ZMAT4: variants seen among roughly 807,000 people sequenced by gnomAD.
ZMAT4 encodes the protein zinc finger matrin-type 4.
ZMAT4 carries 17 observed loss-of-function variants against 28.7 expected under a neutral mutation model. That is an observed-to-expected ratio of 0.59 (90% CI 0.41 to 0.89). ZMAT4 has a LOEUF of 0.89. Ranked by LOEUF, ZMAT4 falls within the 40% of genes least tolerant of loss-of-function variation. The probability of loss-of-function intolerance (pLI) is 0.00; values close to 1 mark genes in which losing one functional copy is unlikely to be tolerated. For missense variants in ZMAT4, 240 were observed against 283.8 expected (o/e 0.85, Z 1.11); for synonymous variants, 117 against 109.2 (o/e 1.07, Z -0.44).
intron 3 of ZMAT4, among the ~76,000 whole-genome samples, chr8:40,756,460 A>ATATATATATATATATATG (rs1812698502): frequency 8.4e-6 from 1 of 119,282 alleles, no homozygotes; most frequent in African/African-American, 2.9e-5. Context: ...ATATATATAC[A>ATATATATATATATATATG]CACTTGTATA....
At chr8:40,768,331 T>G (rs1563471035) in intron 2 of ZMAT4, among the ~76,000 whole-genome samples, 1 of 152,198 alleles carries the variant, frequency 6.6e-6, no homozygotes, top group Non-Finnish European at 1.5e-5. Flanking sequence ...GTTGAGCAAA[T>G]AAAGACTCAT....
intron 3 of ZMAT4, among the ~76,000 whole-genome samples, chr8:40,764,557 C>G (rs1278958192): frequency 6.7e-6 from 1 of 149,714 alleles, no homozygotes; most frequent in Non-Finnish European, 1.5e-5. Flanking sequence ...GTTTACAAAG[C>G]CATACGCTGG....
chr8:40,626,813 G>A (rs1292650715), intron 5 of ZMAT4, among the ~76,000 whole-genome samples: 1 of 152,140 alleles, frequency 6.6e-6, no homozygotes, highest in African/African-American at 2.4e-5. Flanking sequence ...CTGGGGAGGG[G>A]GGCTGGAGGT....
chr8:40,703,265 T>C (rs1394920214), intron 3 of ZMAT4, among the ~76,000 whole-genome samples: 1 of 152,138 alleles, frequency 6.6e-6, no homozygotes, highest in Non-Finnish European at 1.5e-5. Context: ...CACATAAAAA[T>C]TTTTACATGA....
In ZMAT4 at chr8:40,886,454, G is replaced by A. The variant is rs1185370482; in HGVS notation, c.-5+11229C>T. 4.6e-5 allele frequency among the ~76,000 whole-genome samples: 7 copies of A among 152,222 alleles called. No homozygotes were observed. The East Asian group carries it at 5.8e-4, about 13-fold the overall frequency. ...GAGTGGACGGTGCAGCACAGCAGAC[G>A]GCGCACAGGCTTGGAGTCGCCCACT... On this transcript the variant is annotated intron_variant, in intron 1 of 6. Transcript: ENST00000297737.
intron 2 of ZMAT4, among the ~76,000 whole-genome samples, chr8:40,814,508 G>C (rs887299067): frequency 1.3e-5 from 2 of 152,196 alleles, no homozygotes; most frequent in Admixed American, 6.5e-5. Context: ...TATTCACAAG[G>C]AGAAAGTCTT....
chr8:40,586,652 C>G (rs937383885), intron 5 of ZMAT4, among the ~76,000 whole-genome samples: 1 of 152,168 alleles, frequency 6.6e-6, no homozygotes, highest in Non-Finnish European at 1.5e-5. Context: ...CATGACTACT[C>G]AATATGTCTT....
At chr8:40,726,798 G>A (rs966795978) in intron 3 of ZMAT4, among the ~76,000 whole-genome samples, 1 of 152,212 alleles carries the variant, frequency 6.6e-6, no homozygotes, top group Admixed American at 6.5e-5. Flanking sequence ...GGCCGGCAGA[G>A]TCTAAAATAC....
At chr8:40,803,186 C>A (rs746887674) in intron 2 of ZMAT4, among the ~76,000 whole-genome samples, 1 of 152,064 alleles carries the variant, frequency 6.6e-6, no homozygotes, top group Non-Finnish European at 1.5e-5. Flanking sequence ...AGTTGCAACA[C>A]TGTAGGCATG....
At chr8:40,688,258 C>CCAG (rs570247584) in intron 4 of ZMAT4, among the ~76,000 whole-genome samples, 214 of 152,178 alleles carry the variant, frequency 1.4e-3, no homozygotes, top group South Asian at 6.2e-3. Flanking sequence ...GAGTTCAAGA[C>CCAG]CAGCCTGACC....
chr8:40,655,710 G>A (rs1370298094), intron 5 of ZMAT4, among the ~76,000 whole-genome samples: 1 of 152,042 alleles, frequency 6.6e-6, no homozygotes, highest in Non-Finnish European at 1.5e-5. Flanking sequence ...AATAAGAGAA[G>A]TCTTTTCAAC....
At chr8:40,738,606 C>T (rs1811873756) in intron 3 of ZMAT4, among the ~76,000 whole-genome samples, 1 of 152,186 alleles carries the variant, frequency 6.6e-6, no homozygotes, top group African/African-American at 2.4e-5. Flanking sequence ...GTTGTCCCCC[C>T]AGCAAGGGGC....
At chr8:40,647,420 G>T (rs1402644185) in intron 5 of ZMAT4, among the ~76,000 whole-genome samples, 2 of 152,326 alleles carry the variant, frequency 1.3e-5, no homozygotes, top group African/African-American at 2.4e-5. Flanking sequence ...GGCTCGGAGG[G>T]TCCTACACCC....
At chr8:40,634,734 A>C (rs575905472) in intron 5 of ZMAT4, among the ~76,000 whole-genome samples, 1 of 152,296 alleles carries the variant, frequency 6.6e-6, no homozygotes, top group South Asian at 2.1e-4. Context: ...TGCACTGATG[A>C]TACCTTATCA....
intron 5 of ZMAT4, among the ~76,000 whole-genome samples, chr8:40,621,806 A>T (rs78081484): frequency 1.3e-5 from 2 of 152,184 alleles, no homozygotes; most frequent in East Asian, 3.9e-4. Flanking sequence ...AGGGTCTAAG[A>T]TTTAATATTC....
chr8:40,770,005 G>A (rs1343423429), intron 2 of ZMAT4, among the ~76,000 whole-genome samples: 1 of 152,060 alleles, frequency 6.6e-6, no homozygotes, highest in African/African-American at 2.4e-5. Context: ...ATCAGTACAG[G>A]CCTGTTTTCC....
intron 1 of ZMAT4, among the ~76,000 whole-genome samples, chr8:40,832,662 A>G (rs985064235): frequency 6.6e-6 from 1 of 152,202 alleles, no homozygotes; most frequent in Non-Finnish European, 1.5e-5. Flanking sequence ...CAATTTTGAC[A>G]AACTCCACAG....
chr8:40,560,722 A>G (rs1270069790), intron 6 of ZMAT4, among the ~76,000 whole-genome samples: 1 of 152,132 alleles, frequency 6.6e-6, no homozygotes, highest in Non-Finnish European at 1.5e-5. Flanking sequence ...CACAAACTCA[A>G]TCCAAAGAAA....
chr8:40,892,159 A>G (rs1818716530), intron 1 of ZMAT4, among the ~76,000 whole-genome samples: 1 of 152,178 alleles, frequency 6.6e-6, no homozygotes, highest in South Asian at 2.1e-4. Context: ...GATGTGTCTT[A>G]CCCAGAGTGA....
Sources: allele counts gnomAD v4.1 joint callset (sites outside exome capture counted in the v4.1 genomes callset), GRCh38; gene constraint gnomAD v4.1.1; transcripts MANE v1.5; gene names NCBI Gene and HGNC (gene_info 2026-07-23, HGNC 2026-07-21).